The following TXLNB variants were observed in gnomAD, a reference collection of about 807,000 sequenced individuals.
TXLNB encodes the protein beta-taxilin.
TXLNB carries 37 observed loss-of-function variants against 57.4 expected under a neutral mutation model. That is an observed-to-expected ratio of 0.64 (90% CI 0.50 to 0.85). The LOEUF is 0.85. TXLNB is among the 40% of genes least tolerant of loss of function. The probability of loss-of-function intolerance (pLI) is 0.00; values close to 1 mark genes in which losing one functional copy is unlikely to be tolerated. For synonymous variants in TXLNB, 302 were observed against 309.6 expected (o/e 0.98, Z 0.26); for missense variants, 848 against 825.6 (o/e 1.03, Z -0.33).
the TXLNB span, among the ~76,000 whole-genome samples, chr6:139,214,652 T>A: frequency 6.6e-6 from 1 of 152,086 alleles, no homozygotes; most frequent in Non-Finnish European, 1.5e-5. Flanking sequence ...GAGAAGGAAA[T>A]AAAGGGCATT....
Position 139,285,942 on chromosome 6 carries a change from A to C in TXLNB, c.424+2534T>G, listed in dbSNP as rs1777162057. 1.4e-5 allele frequency among the ~76,000 whole-genome samples: 2 copies of C among 145,150 alleles called. 1 individual carries two copies. Among genetic ancestry groups the C allele is most frequent in the Non-Finnish European group, 3.1e-5 (2 of 65,296 alleles). Reference sequence around the variant, plus strand: ...ATTTTACCCACGAGAGGCCTCTATCAGTTTCGAAAATACCACCTAGCCTGT... The same window carrying C: ...ATTTTACCCACGAGAGGCCTCTATCCGTTTCGAAAATACCACCTAGCCTGT... On this transcript the variant is annotated intron_variant, in intron 2 of 9. Coordinates refer to ENST00000358430, the MANE Select transcript of TXLNB (RefSeq NM_153235.4).
At chr6:139,255,458 C>A in intron 7 of TXLNB, 106 bp downstream of exon 7, 2 of 822,072 alleles carry the variant, frequency 2.4e-6, no homozygotes, top group African/African-American at 1.7e-5. Context: ...CCCATCCCCC[C>A]ATCCCCTGCC....
the TXLNB span, among the ~76,000 whole-genome samples, chr6:139,207,801 C>T: frequency 2.2e-4 from 34 of 152,100 alleles, no homozygotes; most frequent in Non-Finnish European, 3.1e-4. Flanking sequence ...TAGGGCCAGG[C>T]GCGGTGGCTC....
At chr6:139,256,184 C>T (rs535422290) in intron 6 of TXLNB, among the ~76,000 whole-genome samples, 1 of 152,180 alleles carries the variant, frequency 6.6e-6, no homozygotes, top group Non-Finnish European at 1.5e-5. Flanking sequence ...GTCTCTAGCT[C>T]AAGTATGAAT....
At chr6:139,210,102 G>GA in the TXLNB span, among the ~76,000 whole-genome samples, 1 of 152,006 alleles carries the variant, frequency 6.6e-6, no homozygotes, top group Non-Finnish European at 1.5e-5. Flanking sequence ...ACAAACATAT[G>GA]AAAAAATGCT....
the TXLNB span, among the ~76,000 whole-genome samples, chr6:139,217,834 A>C: frequency 6.9e-6 from 1 of 143,976 alleles, no homozygotes; most frequent in Non-Finnish European, 1.5e-5. Flanking sequence ...ATGCCACTGC[A>C]CTCCAGCCTG....
At chr6:139,165,138 T>G in the TXLNB span, among the ~76,000 whole-genome samples, 1 of 152,204 alleles carries the variant, frequency 6.6e-6, no homozygotes, top group African/African-American at 2.4e-5. Flanking sequence ...ATTATGCCCA[T>G]TTATGGTTGA....
At chr6:139,285,257 A>AACACACACACAC (rs57409101) in intron 2 of TXLNB, among the ~76,000 whole-genome samples, 3 of 120,000 alleles carry the variant, frequency 2.5e-5, no homozygotes, top group East Asian at 2.3e-4. Flanking sequence ...CTTTCCCCTC[A>AACACACACACAC]ACACACACAC....
the TXLNB span, among the ~76,000 whole-genome samples, chr6:139,232,234 A>G: frequency 1.3e-5 from 2 of 152,208 alleles, no homozygotes; most frequent in Non-Finnish European, 2.9e-5. Context: ...GAGAGCTTGT[A>G]TGAAGGAGGA....
rs1583010480 is a variant in TXLNB at position 139,266,274 on chromosome 6, C to T, written c.688-3501G>A. Among the ~76,000 whole-genome samples the T allele has an allele frequency of 2.0e-5, 3 of 152,234 alleles. No homozygotes were observed. In the South Asian group the frequency reaches 6.2e-4, roughly 32 times the overall value. On this transcript the variant is annotated intron_variant, in intron 4 of 9. Transcript: ENST00000358430. ...ATTAGAGAAGGCTTTTTCTACAATGCTGCAAATGTGGAATTAGCAGACAAG... is the reference window on the plus strand; with the variant it reads ...ATTAGAGAAGGCTTTTTCTACAATGTTGCAAATGTGGAATTAGCAGACAAG...
the TXLNB span, among the ~76,000 whole-genome samples, chr6:139,224,080 AT>A: frequency 6.8e-6 from 1 of 147,202 alleles, no homozygotes; most frequent in East Asian, 2.0e-4. Flanking sequence ...GATTAAGAAA[AT>A]GTGGCACATA....
chr6:139,229,046 T>A, the TXLNB span, among the ~76,000 whole-genome samples: 1 of 152,176 alleles, frequency 6.6e-6, no homozygotes, highest in African/African-American at 2.4e-5. Context: ...GGACAAAGTA[T>A]TTTTTCCAAG....
chr6:139,193,889 T>C, the TXLNB span, among the ~76,000 whole-genome samples: 79,791 of 134,328 alleles, frequency 0.59, 24,826 homozygotes, highest in Non-Finnish European at 0.64. Flanking sequence ...TCGCCCAGGC[T>C]GGAGTGCAGT....
chr6:139,283,421 A>G (rs1438943223), intron 2 of TXLNB, among the ~76,000 whole-genome samples: 3 of 144,834 alleles, frequency 2.1e-5, no homozygotes, highest in African/African-American at 7.6e-5. Context: ...TACTAAAAAT[A>G]CAAAATTAGC....
At chr6:139,291,117 A>G (rs1777289860) in intron 1 of TXLNB, among the ~76,000 whole-genome samples, 2 of 152,176 alleles carry the variant, frequency 1.3e-5, no homozygotes, top group South Asian at 2.1e-4. Context: ...TCTATATATA[A>G]CTTAGGCCTC....
chr6:139,260,219 C>CAAATAAAT lies in TXLNB; in HGVS notation c.1002+91_1002+98dup, dbSNP rs542223338. The CAAATAAAT allele has an allele frequency of 6.2e-4, 834 of 1,352,502 alleles. 4 individuals are homozygous for CAAATAAAT. In the African/African-American group the frequency reaches 0.011, roughly 17 times the overall value. 83.8% of individuals were successfully genotyped at this position (1,352,502 alleles called of 1,614,324 possible). On this transcript the variant is annotated intron_variant, in intron 6 of 9. Coordinates refer to ENST00000358430, the MANE Select transcript of TXLNB (RefSeq NM_153235.4). ...TGAATGACAGAACGAGACTCTGTCT[C>CAAATAAAT]AAATAAATAAATAAATAAATAAATA...
chr6:139,172,849 G>A, the TXLNB span, among the ~76,000 whole-genome samples: 1 of 152,240 alleles, frequency 6.6e-6, no homozygotes, highest in East Asian at 1.9e-4. Context: ...TAATGCTGCT[G>A]TTAGGGTTAA....
chr6:139,266,699 G>T (rs1362100196), intron 4 of TXLNB, among the ~76,000 whole-genome samples: 1 of 151,948 alleles, frequency 6.6e-6, no homozygotes, highest in Non-Finnish European at 1.5e-5. Flanking sequence ...AGAAATAATG[G>T]CTGAAAGAAA....
the TXLNB span, among the ~76,000 whole-genome samples, chr6:139,185,756 G>C: frequency 1.3e-5 from 2 of 152,122 alleles, no homozygotes; most frequent in African/African-American, 2.4e-5. Context: ...GGTGGTCTTT[G>C]GTGATGGGAA....
Sources: allele counts gnomAD v4.1 joint callset (sites outside exome capture counted in the v4.1 genomes callset), GRCh38; gene constraint gnomAD v4.1.1; transcripts MANE v1.5; gene names NCBI Gene and HGNC (gene_info 2026-07-23, HGNC 2026-07-21).